The following ATP11B variants were observed in gnomAD, a reference collection of about 807,000 sequenced individuals.
ATP11B encodes the protein ATPase phospholipid transporting 11B (putative).
Under a neutral mutation model 157.8 loss-of-function variants are expected in ATP11B, and 81 were observed. That is an observed-to-expected ratio of 0.51 (90% CI 0.43 to 0.62). ATP11B has a LOEUF of 0.62. ATP11B is among the 20% of genes least tolerant of loss of function. ATP11B has a pLI of 0.00. For synonymous variants in ATP11B, 451 were observed against 469.4 expected, an observed-to-expected ratio of 0.96 and a Z score of 0.51; for missense variants, 1,165 against 1,402.2, an observed-to-expected ratio of 0.83 and a Z score of 2.70.
At chr3:182,884,006 A>G (rs1423640078) in intron 21 of ATP11B, among the ~76,000 whole-genome samples, 1 of 150,100 alleles carries the variant, frequency 6.7e-6, no homozygotes, top group Non-Finnish European at 1.5e-5. Context: ...AGTTTTCTCT[A>G]GGGATTATGA....
At chr3:182,825,979 T>A (rs1373943126) in intron 2 of ATP11B, among the ~76,000 whole-genome samples, 1 of 152,158 alleles carries the variant, frequency 6.6e-6, no homozygotes. Context: ...GAAAATAAGG[T>A]CAATTATAAA....
At chr3:182,794,133 G>A (rs1309159335) in intron 1 of ATP11B, among the ~76,000 whole-genome samples, 2 of 152,262 alleles carry the variant, frequency 1.3e-5, no homozygotes, top group Non-Finnish European at 2.9e-5. Context: ...GAAACAGGGC[G>A]AGGGAGCTGA....
Position 182,913,917 on chromosome 3 carries a change from A to G in ATP11B, c.3375A>G (p.Glu1125=). ...TGGACTCCATGTGCTGTTTCCCGGA[A>G]GGAGAAGCAGCGTGTGCATCTGTTG... ...KCLDSMCCFP[E]GEAACASVGR... The change falls in exon 29 of 30, where the codon GAA becomes GAG. Residue 1125 remains glutamate (E), a synonymous_variant. Coordinates refer to ENST00000323116, the MANE Select transcript of ATP11B (RefSeq NM_014616.3). The G allele has an allele frequency of 6.2e-7, 1 of 1,614,166 alleles. No individual in the cohort carries two copies. The highest frequency in any genetic ancestry group is 8.5e-7 in the Non-Finnish European group (1 of 1,179,976).
intron 1 of ATP11B, among the ~76,000 whole-genome samples, chr3:182,814,290 C>T (rs1716842458): frequency 6.6e-6 from 1 of 151,752 alleles, no homozygotes; most frequent in Non-Finnish European, 1.5e-5. Flanking sequence ...GTCTCGAACT[C>T]CTGACCTCAG....
At chr3:182,819,909 G>A (rs1717220337) in intron 1 of ATP11B, among the ~76,000 whole-genome samples, 1 of 152,094 alleles carries the variant, frequency 6.6e-6, no homozygotes, top group Non-Finnish European at 1.5e-5. Flanking sequence ...TACTTCTATA[G>A]GTCTCCCATA....
intron 1 of ATP11B, among the ~76,000 whole-genome samples, chr3:182,809,126 C>G (rs536618729): frequency 6.6e-6 from 1 of 152,066 alleles, no homozygotes; most frequent in South Asian, 2.1e-4. Context: ...AAATAGAAGT[C>G]CAAAACTCTG....
At chr3:182,906,789 AAAGAAG>A (rs1178977954) in intron 28 of ATP11B, among the ~76,000 whole-genome samples, 112 of 110,986 alleles carry the variant, frequency 1.0e-3, no homozygotes, top group African/African-American at 3.6e-3. Context: ...AAAAAAAAAA[AAAGAAG>A]AAGAAGAAGA....
intron 28 of ATP11B, among the ~76,000 whole-genome samples, chr3:182,901,706 T>C (rs1377842628): frequency 6.6e-6 from 1 of 152,240 alleles, no homozygotes; most frequent in East Asian, 1.9e-4. Flanking sequence ...TCAGTTCTTG[T>C]TACCTTTCCT....
intron 1 of ATP11B, among the ~76,000 whole-genome samples, chr3:182,810,325 C>A (rs1410435343): frequency 1.3e-5 from 2 of 152,090 alleles, no homozygotes; most frequent in Non-Finnish European, 2.9e-5. Context: ...GAGCAAGACT[C>A]CACCTCAAAA....
At chr3:182,808,776 A>G (rs1022476330) in intron 1 of ATP11B, among the ~76,000 whole-genome samples, 2 of 152,184 alleles carry the variant, frequency 1.3e-5, no homozygotes, top group African/African-American at 4.8e-5. Flanking sequence ...AAAAGTTGCA[A>G]ATATAGTGGA....
intron 4 of ATP11B, among the ~76,000 whole-genome samples, chr3:182,835,280 G>C (rs1337509945): frequency 6.6e-6 from 1 of 152,150 alleles, no homozygotes; most frequent in East Asian, 1.9e-4. Context: ...AATTCTGTCA[G>C]TCTGTTGTTT....
intron 28 of ATP11B, among the ~76,000 whole-genome samples, chr3:182,911,054 T>C (rs921328130): frequency 6.6e-6 from 1 of 152,188 alleles, no homozygotes; most frequent in African/African-American, 2.4e-5. Flanking sequence ...GAAATGCTTA[T>C]TTCTTCATGG....
intron 20 of ATP11B, among the ~76,000 whole-genome samples, chr3:182,880,442 G>A (rs1028953619): frequency 6.6e-6 from 1 of 152,030 alleles, no homozygotes; most frequent in African/African-American, 2.4e-5. Context: ...TATTTCTTTT[G>A]AGTTCATTGA....
chr3:182,897,424 A>G lies in ATP11B; in HGVS notation c.3152+18A>G. 2 of 1,444,406 alleles carry G rather than the reference A, an allele frequency of 1.4e-6. No individual in the cohort carries two copies. The highest frequency in any genetic ancestry group is 2.4e-5 in the East Asian group (1 of 42,036). 89.5% of individuals were successfully genotyped at this position (1,444,406 alleles called of 1,614,324 possible). On this transcript the variant is annotated intron_variant, in intron 27 of 29. Transcript: ENST00000323116. The stretch of plus-strand genomic sequence containing the variant: ...ATTCTCTGGTGAGTGAATATATTGT[A>G]TTTTAATTGGATTGCTTCAACTATA...
At chr3:182,902,683 C>T (rs1724050416) in intron 28 of ATP11B, 2 of 419,358 alleles carry the variant, frequency 4.8e-6, no homozygotes, top group Non-Finnish European at 4.0e-6. Context: ...TTAGCATGGC[C>T]CTGTCTCTGA....
At chr3:182,831,357 C>A (rs1718125699) in intron 4 of ATP11B, among the ~76,000 whole-genome samples, 1 of 152,174 alleles carries the variant, frequency 6.6e-6, no homozygotes, top group Admixed American at 6.5e-5. Flanking sequence ...CAATTGCATT[C>A]TTTTCTGAAG....
chr3:182,912,834 C>T (rs919903742), intron 28 of ATP11B, among the ~76,000 whole-genome samples: 1 of 152,158 alleles, frequency 6.6e-6, no homozygotes, highest in African/African-American at 2.4e-5. Context: ...ATTTATTCTC[C>T]TTCTCTATCC....
At chr3:182,898,470 TAATTA>T (rs1455361720) in intron 27 of ATP11B, 132 bp from the exon 28 acceptor site, 6 of 556,486 alleles carry the variant, frequency 1.1e-5, no homozygotes, top group Admixed American at 3.9e-5. Flanking sequence ...TTAGTTCAGT[TAATTA>T]AATTATACTG....
intron 2 of ATP11B, among the ~76,000 whole-genome samples, chr3:182,822,105 A>G (rs1436141043): frequency 6.7e-6 from 1 of 149,708 alleles, no homozygotes; most frequent in Non-Finnish European, 1.5e-5. Context: ...TTAGTGACAC[A>G]GTTCTTTTTT....
Sources: gnomAD v4.1 joint callset for allele counts (sites outside exome capture counted in the v4.1 genomes callset) on GRCh38, gnomAD v4.1.1 for gene constraint, MANE v1.5 for transcripts, NCBI Gene and HGNC (gene_info 2026-07-23, HGNC 2026-07-21) for gene names.